The following TMOD1 variants were observed in gnomAD, a reference collection of about 807,000 sequenced individuals.
TMOD1 encodes tropomodulin 1.
Under a neutral mutation model 40.6 loss-of-function variants are expected in TMOD1, and 17 were observed. The observed-to-expected ratio is 0.42, with a 90% confidence interval of 0.29 to 0.63. The LOEUF is 0.63. TMOD1 is among the 20% of genes least tolerant of loss of function. The pLI is 0.22. For synonymous variants in TMOD1, 181 were observed against 175.0 expected (o/e 1.03, Z -0.27); for missense variants, 391 against 447.6 (o/e 0.87, Z 1.14).
intron 4 of TMOD1, among the ~76,000 whole-genome samples, chr9:97,559,652 C>A (rs1330842162): frequency 6.6e-6 from 1 of 150,478 alleles, no homozygotes; most frequent in East Asian, 1.9e-4. Flanking sequence ...GTAATCCCAG[C>A]TACTTGGGAG....
intron 1 of TMOD1, among the ~76,000 whole-genome samples, chr9:97,503,401 GT>G (rs1020186192): frequency 6.6e-6 from 1 of 152,104 alleles, no homozygotes; most frequent in Non-Finnish European, 1.5e-5. Flanking sequence ...TCTGTTATGT[GT>G]TTTTTTCTAA....
At position 97,600,276 on chromosome 9, in the gene TMOD1, G is replaced by A. The variant is rs1049953006; in HGVS notation, c.*578G>A. 1 of 986,098 alleles carries A rather than the reference G, an allele frequency of 1.0e-6. No homozygotes were observed. The highest frequency in any genetic ancestry group is 1.7e-5 in the African/African-American group (1 of 57,210). 61.1% of individuals were successfully genotyped at this position (986,098 alleles called of 1,614,324 possible). A position where few individuals can be genotyped will look rare whatever the true frequency, so the allele number is the denominator to read the frequency against. On this transcript the variant is annotated 3_prime_UTR_variant, in exon 10 of 10. Coordinates refer to ENST00000259365, the MANE Select transcript of TMOD1 (RefSeq NM_003275.4). The stretch of plus-strand genomic sequence containing the variant: ...GACTGAAGCCACTGAACTCTGCCAG[G>A]AGTCAACATGAGATTCCTTTTGCTG...
intron 8 of TMOD1, among the ~76,000 whole-genome samples, chr9:97,582,319 G>A (rs201835936): frequency 0.014 from 1,999 of 142,404 alleles, 101 homozygotes; most frequent in East Asian, 0.13. Flanking sequence ...TAGATATGTG[G>A]CGTTATTTCT....
At chr9:97,541,862 A>G (rs1830280846) in intron 2 of TMOD1, among the ~76,000 whole-genome samples, 2 of 152,076 alleles carry the variant, frequency 1.3e-5, no homozygotes, top group South Asian at 4.1e-4. Context: ...GTTGTAAGAG[A>G]TTTTTATGTA....
Position 97,509,104 on chromosome 9 carries a change from G to C in TMOD1, c.-49+7301G>C, listed in dbSNP as rs546378973. 3.9e-5 allele frequency among the ~76,000 whole-genome samples: 6 copies of C among 152,276 alleles called. 1 individual carries two copies. The highest frequency in any genetic ancestry group is 3.9e-4 in the Admixed American group (6 of 15,302). On this transcript the variant is annotated intron_variant, in intron 1 of 9. Transcript: ENST00000259365. ...AAAGCCTCCAGATGGAATCAACCCT[G>C]CTGACACCTCGATTTTGGACTTCTG...
rs189033247 is a variant in TMOD1 at position 97,540,504 on chromosome 9, G to A, written c.121-5681G>A. 7.2e-5 allele frequency among the ~76,000 whole-genome samples: 11 copies of A among 152,298 alleles called. No homozygotes were observed. In the East Asian group the frequency reaches 2.1e-3, roughly 29 times the overall value. ...CTCCAATTATAGTCACTCTGGGGGT[G>A]AGGGCTTCAACGTATGAGTTGGAGG... On this transcript the variant is annotated intron_variant, in intron 2 of 9. Transcript: ENST00000259365.
intron 9 of TMOD1, among the ~76,000 whole-genome samples, chr9:97,596,149 T>C (rs1195142049): frequency 2.6e-5 from 4 of 152,082 alleles, no homozygotes; most frequent in African/African-American, 9.7e-5. Context: ...GGCCTGTTCC[T>C]AGATGCTGCC....
intron 9 of TMOD1, among the ~76,000 whole-genome samples, chr9:97,593,778 TGGA>T (rs1826047540): frequency 6.6e-6 from 1 of 151,926 alleles, no homozygotes; most frequent in Non-Finnish European, 1.5e-5. Context: ...GATAGGTTGA[TGGA>T]GGAGGTCTAG....
Position 97,600,708 on chromosome 9 carries a change from G to A in TMOD1, c.*1010G>A, listed in dbSNP as rs1013402834. ...GTATATTAAGCCTCCGCAGGATGCC[G>A]GACAATGGTGAAGAAACTCCAGATA... On this transcript the variant is annotated 3_prime_UTR_variant, in exon 10 of 10. Coordinates refer to ENST00000259365, the MANE Select transcript of TMOD1 (RefSeq NM_003275.4). The A allele has an allele frequency of 1.8e-5, 18 of 1,004,004 alleles. No homozygotes were observed. The highest frequency in any genetic ancestry group is 5.2e-5 in the African/African-American group (3 of 57,464). 62.2% of individuals were successfully genotyped at this position (1,004,004 alleles called of 1,614,324 possible).
intron 8 of TMOD1, among the ~76,000 whole-genome samples, chr9:97,586,965 T>G (rs915617280): frequency 6.6e-6 from 1 of 152,232 alleles, no homozygotes; most frequent in Non-Finnish European, 1.5e-5. Context: ...TCACCCGTCT[T>G]CTGCGTTGCT....
intron 8 of TMOD1, among the ~76,000 whole-genome samples, chr9:97,586,795 T>C (rs1162031273): frequency 6.6e-6 from 1 of 152,214 alleles, no homozygotes; most frequent in Non-Finnish European, 1.5e-5. Flanking sequence ...CCCCTTTCTT[T>C]GACTCAGAAA....
intron 9 of TMOD1, among the ~76,000 whole-genome samples, chr9:97,599,282 C>CATTA (rs1325650313): frequency 6.6e-6 from 1 of 152,186 alleles, no homozygotes; most frequent in Admixed American, 6.5e-5. Context: ...ACCCTAATCT[C>CATTA]ATTAAGAAGA....
At chr9:97,558,994 C>G (rs544288483) in intron 4 of TMOD1, among the ~76,000 whole-genome samples, 1 of 152,322 alleles carries the variant, frequency 6.6e-6, no homozygotes, top group East Asian at 1.9e-4. Context: ...TTCACCGCCT[C>G]CATCCCTTTT....
chr9:97,569,063 G>A (rs1830778522), intron 8 of TMOD1, 26 bp downstream of exon 8: 7 of 1,611,468 alleles, frequency 4.3e-6, no homozygotes, highest in Non-Finnish European at 5.9e-6. Context: ...GTCTCCTCAG[G>A]TCTGTTACTA....
rs767781360 is a variant in TMOD1 at position 97,599,638 on chromosome 9, G to C, written c.1020G>C (p.Arg340Ser). 6.2e-7 allele frequency: 1 copy of C among 1,614,076 alleles called. No homozygotes were observed. The highest frequency in any genetic ancestry group is 8.5e-7 in the Non-Finnish European group (1 of 1,180,026). ...NAMMNNNDLVRKRRLADLTGP... is the reference protein window; with the variant it reads ...NAMMNNNDLVSKRRLADLTGP... Reference sequence around the variant, plus strand: ...CTTATCTCCATTCCTTTCCAGTGAGGAAGAGGAGGCTTGCGGACCTGACTG... The same window carrying C: ...CTTATCTCCATTCCTTTCCAGTGAGCAAGAGGAGGCTTGCGGACCTGACTG... The change falls in exon 10 of 10, where the codon AGG (arginine) becomes AGC (serine). Residue 340 changes from arginine (R) to serine (S), a missense_variant. Physicochemically the swap from Arg to Ser is moderately radical, Grantham distance 110. Transcript: ENST00000259365.
chr9:97,559,794 A>ATATAT (rs1554683057), intron 4 of TMOD1, among the ~76,000 whole-genome samples: 66 of 23,066 alleles, frequency 2.9e-3, no homozygotes, highest in Non-Finnish European at 3.8e-3. Flanking sequence ...AAAAAAAAAA[A>ATATAT]ATATATATAT....
At chr9:97,593,076 G>A (rs1051582939) in intron 9 of TMOD1, among the ~76,000 whole-genome samples, 11 of 152,158 alleles carry the variant, frequency 7.2e-5, no homozygotes, top group East Asian at 5.8e-4. Context: ...GAAGCCTTGC[G>A]TTTCTATTCT....
At chr9:97,568,034 C>T (rs1830759369) in intron 7 of TMOD1, among the ~76,000 whole-genome samples, 1 of 152,206 alleles carries the variant, frequency 6.6e-6, no homozygotes, top group Non-Finnish European at 1.5e-5. Flanking sequence ...CTGAGTTCCT[C>T]TGAAACGTGC....
intron 1 of TMOD1, chr9:97,517,607 C>T (rs1397780460): frequency 3.3e-5 from 5 of 152,486 alleles, no homozygotes. Flanking sequence ...TGGATAGACA[C>T]CATCTGAGTG....
Sources: gnomAD v4.1 joint callset for allele counts (sites outside exome capture counted in the v4.1 genomes callset) on GRCh38, gnomAD v4.1.1 for gene constraint, MANE v1.5 for transcripts, NCBI Gene and HGNC (gene_info 2026-07-23, HGNC 2026-07-21) for gene names.